Variants in STK33 observed in about 807,000 individuals in gnomAD.
STK33 encodes serine/threonine kinase 33, also known as serine/threonine-protein kinase 33.
STK33 carries 52 observed loss-of-function variants against 58.0 expected under a neutral mutation model. The ratio of observed to expected loss-of-function variants is 0.90; its 90% CI spans 0.72 to 1.13. The LOEUF is 1.13. STK33 is among the 50% of genes most tolerant of loss of function. STK33 has a pLI of 0.00. For missense variants in STK33, 630 were observed against 604.2 expected (o/e 1.04, Z -0.45); for synonymous variants, 215 against 200.1 (o/e 1.07, Z -0.63).
At chr11:8,580,059 G>T (rs1306016805) in intron 1 of STK33, among the ~76,000 whole-genome samples, 1 of 152,110 alleles carries the variant, frequency 6.6e-6, no homozygotes, top group African/African-American at 2.4e-5. Context: ...CAGTTTGGAG[G>T]TTCCTCAGAA....
At chr11:8,550,218 T>TAATA (rs1956214080) in intron 1 of STK33, among the ~76,000 whole-genome samples, 1 of 152,218 alleles carries the variant, frequency 6.6e-6, no homozygotes, top group South Asian at 2.1e-4. Context: ...AAACTCTACA[T>TAATA]AATACACAAT....
chr11:8,424,833 G>GTTTTTT (rs1942490040), intron 14 of STK33, among the ~76,000 whole-genome samples: 1 of 117,666 alleles, frequency 8.5e-6, no homozygotes, highest in Non-Finnish European at 1.7e-5. Context: ...TTTTGATGGG[G>GTTTTTT]TTGTTTTTTT....
intron 1 of STK33, among the ~76,000 whole-genome samples, chr11:8,498,734 T>G (rs371919638): frequency 2.0e-5 from 3 of 152,108 alleles, no homozygotes; most frequent in East Asian, 3.9e-4. Context: ...CCAAAACAGA[T>G]ATATAGACCA....
At chr11:8,521,806 A>T (rs939625575) in intron 1 of STK33, among the ~76,000 whole-genome samples, 1 of 152,210 alleles carries the variant, frequency 6.6e-6, no homozygotes, top group African/African-American at 2.4e-5. Flanking sequence ...CCCATCAAAA[A>T]GTGGGTGAAG....
At chr11:8,575,032 A>G (rs1049240533) in intron 1 of STK33, among the ~76,000 whole-genome samples, 2 of 152,220 alleles carry the variant, frequency 1.3e-5, no homozygotes, top group Non-Finnish European at 2.9e-5. Context: ...CAAGGGAGCA[A>G]GACCCTGTCT....
At chr11:8,398,870 A>G (rs914660759) in intron 15 of STK33, among the ~76,000 whole-genome samples, 4 of 152,240 alleles carry the variant, frequency 2.6e-5, no homozygotes, top group African/African-American at 9.6e-5. Context: ...GAGACAAAGA[A>G]GGCCATTACT....
the STK33 span, among the ~76,000 whole-genome samples, chr11:8,369,058 G>C: frequency 6.6e-6 from 1 of 152,134 alleles, no homozygotes; most frequent in Non-Finnish European, 1.5e-5. Flanking sequence ...TACACATCTC[G>C]GTTCACTGCC....
intron 14 of STK33, among the ~76,000 whole-genome samples, chr11:8,432,008 A>G (rs775177307): frequency 2.0e-5 from 3 of 152,162 alleles, no homozygotes; most frequent in Non-Finnish European, 2.9e-5. Flanking sequence ...TGTTTTCCTT[A>G]CTAAATTGTA....
intron 15 of STK33, among the ~76,000 whole-genome samples, chr11:8,395,444 C>T (rs1849167740): frequency 6.6e-6 from 1 of 152,194 alleles, no homozygotes; most frequent in Non-Finnish European, 1.5e-5. Flanking sequence ...GTCCATTAAA[C>T]CTCTTTTTCT....
chr11:8,503,700 G>A (rs1951677499), intron 1 of STK33, among the ~76,000 whole-genome samples: 1 of 152,138 alleles, frequency 6.6e-6, no homozygotes, highest in African/African-American at 2.4e-5. Context: ...TAGCATTTTA[G>A]TCAGTTCGAC....
intron 4 of STK33, 152 bp from the exon 5 acceptor site, chr11:8,475,218 T>TAA (rs1041539179): frequency 1.7e-5 from 4 of 228,984 alleles, no homozygotes; most frequent in African/African-American, 9.0e-5. Context: ...AAGCATGGTC[T>TAA]AAAACAGCAT....
intron 11 of STK33, among the ~76,000 whole-genome samples, chr11:8,442,029 C>CCACACA (rs1944812675): frequency 8.9e-6 from 1 of 111,928 alleles, no homozygotes; most frequent in African/African-American, 3.9e-5. Flanking sequence ...ATACCTACAC[C>CCACACA]TACACACACA....
At chr11:8,451,855 T>C (rs1946317749) in intron 11 of STK33, among the ~76,000 whole-genome samples, 1 of 152,040 alleles carries the variant, frequency 6.6e-6, no homozygotes, top group Admixed American at 6.5e-5. Flanking sequence ...CTTTACAAAA[T>C]ATATCTAATC....
At chr11:8,572,908 C>T (rs1957923218) in intron 1 of STK33, among the ~76,000 whole-genome samples, 1 of 151,886 alleles carries the variant, frequency 6.6e-6, no homozygotes, top group Admixed American at 6.6e-5. Context: ...AAAAAATGAA[C>T]AGAGCCTCAA....
intron 15 of STK33, among the ~76,000 whole-genome samples, chr11:8,398,798 A>C (rs1157990062): frequency 6.6e-6 from 1 of 152,020 alleles, no homozygotes; most frequent in East Asian, 1.9e-4. Flanking sequence ...CAAAAAAAAA[A>C]AAAGCAGGGG....
the STK33 span, among the ~76,000 whole-genome samples, chr11:8,359,071 G>T: frequency 4.6e-5 from 7 of 152,166 alleles, no homozygotes; most frequent in Non-Finnish European, 2.9e-5. Context: ...GGGACAGCCT[G>T]TCCAATACCG....
intron 1 of STK33, among the ~76,000 whole-genome samples, chr11:8,547,027 T>C (rs917711802): frequency 1.3e-5 from 2 of 152,218 alleles, no homozygotes; most frequent in African/African-American, 4.8e-5. Context: ...TTTAAATTCC[T>C]ACCAACAGTG....
chr11:8,496,140 G>C (rs1347843129), intron 1 of STK33, among the ~76,000 whole-genome samples: 1 of 150,240 alleles, frequency 6.7e-6, no homozygotes, highest in African/African-American at 2.4e-5. Context: ...AAAAAGGAAG[G>C]ACAAAAAAAA....
intron 15 of STK33, among the ~76,000 whole-genome samples, chr11:8,408,291 A>G (rs1330117684): frequency 6.6e-6 from 1 of 152,220 alleles, no homozygotes; most frequent in Non-Finnish European, 1.5e-5. Flanking sequence ...CTATAGAGAA[A>G]GGATATGCAT....
Sources: gnomAD v4.1 joint callset for allele counts (sites outside exome capture counted in the v4.1 genomes callset) on GRCh38, gnomAD v4.1.1 for gene constraint, MANE v1.5 for transcripts, NCBI Gene and HGNC (gene_info 2026-07-23, HGNC 2026-07-21) for gene names.